Variants in GOLM2 observed in about 807,000 individuals in gnomAD.
The protein encoded by GOLM2 is protein GOLM2.
In GOLM2, 26 loss-of-function variants were observed where a neutral mutation model predicts 55.9. The ratio of observed to expected loss-of-function variants is 0.47; its 90% CI spans 0.34 to 0.65. The LOEUF (loss-of-function observed/expected upper bound fraction) is 0.65. Among genes scored for constraint, GOLM2 ranks in the 30% least tolerant of loss-of-function variants. GOLM2 has a pLI of 0.01. For missense variants in GOLM2, 486 were observed against 531.8 expected (o/e 0.91, Z 0.85); for synonymous variants, 165 against 194.6 (o/e 0.85, Z 1.27).
At position 44,366,315 on chromosome 15, in the gene GOLM2, C is replaced by A. The variant is rs199802690; in HGVS notation, c.803-13375C>A. Among the ~76,000 whole-genome samples the A allele has an allele frequency of 3.5e-3, 486 of 137,106 alleles. 4 individuals carry two copies. Among genetic ancestry groups the A allele is most frequent in the South Asian group, 0.015 (62 of 4,204 alleles). 89.9% of individuals were successfully genotyped at this position (137,106 alleles called of 152,430 possible). ...CCGTCTCAAAAAAAAAAAAAAAAAACAAAACAAACAAACCACAAAACTGCT... is the reference window on the plus strand; with the variant it reads ...CCGTCTCAAAAAAAAAAAAAAAAAAAAAAACAAACAAACCACAAAACTGCT... On this transcript the variant is annotated intron_variant, in intron 6 of 9. Transcript: ENST00000299957.
At chr15:44,388,478 A>C (rs2079463731) in intron 8 of GOLM2, among the ~76,000 whole-genome samples, 2 of 152,120 alleles carry the variant, frequency 1.3e-5, no homozygotes, top group Non-Finnish European at 2.9e-5. Flanking sequence ...GTTCAAGACC[A>C]GCCTAGGCAA....
chr15:44,294,711 C>CAAA (rs1415785686), intron 1 of GOLM2, among the ~76,000 whole-genome samples: 2 of 47,092 alleles, frequency 4.2e-5, no homozygotes, highest in Non-Finnish European at 8.8e-5. Context: ...GACTCCATCT[C>CAAA]AAAAAAAAAA....
intron 8 of GOLM2, among the ~76,000 whole-genome samples, chr15:44,395,873 A>G (rs999721582): frequency 6.6e-6 from 1 of 152,124 alleles, no homozygotes; most frequent in Non-Finnish European, 1.5e-5. Context: ...AAATAAAGCT[A>G]TCTTTATTTA....
At chr15:44,377,111 G>A (rs1302678021) in intron 6 of GOLM2, among the ~76,000 whole-genome samples, 2 of 152,228 alleles carry the variant, frequency 1.3e-5, no homozygotes, top group African/African-American at 4.8e-5. Flanking sequence ...GATGGCTCAC[G>A]TCTATAATCC....
chr15:44,380,775 A>C, intron 7 of GOLM2, 31 bp from the exon 8 acceptor site: 2 of 1,364,672 alleles, frequency 1.5e-6, no homozygotes, highest in Non-Finnish European at 1.9e-6. Context: ...ATTAAATTAT[A>C]TTCTTTTAAT....
At chr15:44,349,780 T>C (rs946980635) in intron 6 of GOLM2, among the ~76,000 whole-genome samples, 1 of 152,206 alleles carries the variant, frequency 6.6e-6, no homozygotes, top group East Asian at 1.9e-4. Context: ...AAATTGACGT[T>C]ATATCAAGTA....
chr15:44,342,242 GT>G (rs201644309), intron 6 of GOLM2, among the ~76,000 whole-genome samples: 28 of 145,264 alleles, frequency 1.9e-4, no homozygotes, highest in Admixed American at 2.1e-4. Context: ...CCTCTGGATT[GT>G]TTTTTTTTTT....
At chr15:44,323,821 T>C (rs891908962) in intron 2 of GOLM2, among the ~76,000 whole-genome samples, 10 of 152,352 alleles carry the variant, frequency 6.6e-5, no homozygotes, top group African/African-American at 2.4e-4. Context: ...ATTTTTATTG[T>C]CCTCTCGAAG....
chr15:44,404,074 T>C (rs539900399), intron 9 of GOLM2, among the ~76,000 whole-genome samples: 1 of 152,306 alleles, frequency 6.6e-6, no homozygotes, highest in South Asian at 2.1e-4. Context: ...TTAGGCTAGT[T>C]TTCTGCCTGC....
At chr15:44,323,047 T>G in intron 2 of GOLM2, 28 bp downstream of exon 2, 2 of 1,451,920 alleles carry the variant, frequency 1.4e-6, no homozygotes, top group Non-Finnish European at 1.9e-6. Context: ...AGATTAAAGA[T>G]AAACCAAGGT....
chr15:44,393,182 C>T (rs1437837316), intron 8 of GOLM2, among the ~76,000 whole-genome samples: 1 of 151,998 alleles, frequency 6.6e-6, no homozygotes, highest in Non-Finnish European at 1.5e-5. Flanking sequence ...TTATTACATG[C>T]AAGATTTATA....
intron 1 of GOLM2, among the ~76,000 whole-genome samples, chr15:44,311,000 G>A (rs535195658): frequency 6.6e-6 from 1 of 152,278 alleles, no homozygotes; most frequent in East Asian, 1.9e-4. Flanking sequence ...CTGGGCGACA[G>A]AGTGAGACTT....
intron 8 of GOLM2, among the ~76,000 whole-genome samples, chr15:44,386,132 C>T (rs188234763): frequency 6.6e-6 from 1 of 152,008 alleles, no homozygotes; most frequent in Non-Finnish European, 1.5e-5. Flanking sequence ...TGAAGATTTC[C>T]CCCTGTGTTT....
At chr15:44,366,791 ATTCAAG>A (rs1254493587) in intron 6 of GOLM2, among the ~76,000 whole-genome samples, 5 of 152,102 alleles carry the variant, frequency 3.3e-5, no homozygotes, top group Admixed American at 2.0e-4. Flanking sequence ...GAGGCCAGGA[ATTCAAG>A]GTTACAGTTC....
At chr15:44,373,361 G>T (rs2079342118) in intron 6 of GOLM2, among the ~76,000 whole-genome samples, 1 of 152,004 alleles carries the variant, frequency 6.6e-6, no homozygotes, top group Admixed American at 6.6e-5. Context: ...GGAGGCTGAG[G>T]CAGGAGAATG....
chr15:44,380,715 G>T, intron 7 of GOLM2, 91 bp from the exon 8 acceptor site: 5 of 851,950 alleles, frequency 5.9e-6, no homozygotes, highest in Middle Eastern at 4.3e-4. Flanking sequence ...ACAATAGTGT[G>T]TCTTAGCTTT....
In GOLM2 at chr15:44,388,362, T is replaced by A. The variant is rs570621663; in HGVS notation, c.1072+7386T>A. On this transcript the variant is annotated intron_variant, in intron 8 of 9. Transcript: ENST00000299957. The stretch of plus-strand genomic sequence containing the variant: ...AAAAACTATTTAGTTATAAGAAAAA[T>A]TTATTTTATTTTAGTTATTTAAGAG... Among the ~76,000 whole-genome samples, 681 of 151,516 alleles carry A rather than the reference T, an allele frequency of 4.5e-3. 4 individuals carry two copies. Among genetic ancestry groups the A allele is most frequent in the African/African-American group, 0.016 (649 of 41,252 alleles).
chr15:44,379,452 T>C (rs2079386919), intron 6 of GOLM2, among the ~76,000 whole-genome samples: 1 of 151,938 alleles, frequency 6.6e-6, no homozygotes, highest in East Asian at 1.9e-4. Flanking sequence ...CACTCCAGCC[T>C]GGGAGACAGG....
intron 9 of GOLM2, among the ~76,000 whole-genome samples, chr15:44,403,658 C>A (rs1189567065): frequency 2.0e-5 from 3 of 152,116 alleles, no homozygotes; most frequent in Non-Finnish European, 4.4e-5. Context: ...TTTAAAATGA[C>A]TCTAGACTTT....
Sources: gnomAD v4.1 joint callset for allele counts (sites outside exome capture counted in the v4.1 genomes callset) on GRCh38, gnomAD v4.1.1 for gene constraint, MANE v1.5 for transcripts, NCBI Gene and HGNC (gene_info 2026-07-23, HGNC 2026-07-21) for gene names.